ARMC8: variants seen among roughly 807,000 people sequenced by gnomAD.
The protein encoded by ARMC8 is armadillo repeat-containing protein 8.
ARMC8 carries 20 observed loss-of-function variants against 99.3 expected under a neutral mutation model. The observed-to-expected ratio is 0.20, with a 90% CI of 0.14 to 0.29. The LOEUF (loss-of-function observed/expected upper bound fraction) is 0.29, where lower values mean the gene tolerates loss of function less well. Among genes scored for constraint, ARMC8 ranks in the 10% least tolerant of loss-of-function variants. The pLI is 1.00. For missense variants in ARMC8, 569 were observed against 809.5 expected, an observed-to-expected ratio of 0.70 and a Z score of 3.60; for synonymous variants, 263 against 278.3, an observed-to-expected ratio of 0.95 and a Z score of 0.55.
intron 12 of ARMC8, chr3:138,263,378 C>A (rs1022540386): frequency 4.5e-6 from 1 of 220,708 alleles, no homozygotes; most frequent in Non-Finnish European, 9.1e-6. Context: ...TCTTTAGAAC[C>A]TCACTCTGGA....
chr3:138,200,401 C>T (rs1559914052), intron 1 of ARMC8, among the ~76,000 whole-genome samples: 7 of 152,184 alleles, frequency 4.6e-5, no homozygotes. Flanking sequence ...TCTTTATTCA[C>T]ATGAGTTACA....
intron 11 of ARMC8, among the ~76,000 whole-genome samples, chr3:138,244,480 G>A (rs986527973): frequency 6.6e-6 from 1 of 151,940 alleles, no homozygotes; most frequent in East Asian, 1.9e-4. Context: ...GGGTTTTATC[G>A]TGTTAGCCAG....
intron 2 of ARMC8, among the ~76,000 whole-genome samples, chr3:138,213,972 A>G (rs1215137381): frequency 1.3e-5 from 2 of 152,014 alleles, no homozygotes; most frequent in Non-Finnish European, 2.9e-5. Context: ...CTTGGACAAC[A>G]TGGTGAAACC....
chr3:138,286,939 C>A (rs916237740), intron 19 of ARMC8, among the ~76,000 whole-genome samples: 6 of 152,136 alleles, frequency 3.9e-5, no homozygotes, highest in African/African-American at 1.4e-4. Context: ...CAGCTCTGTC[C>A]CCTCATTCAC....
intron 12 of ARMC8, 84 bp from the exon 13 acceptor site, chr3:138,263,654 TG>T: frequency 8.6e-7 from 1 of 1,165,754 alleles, no homozygotes; most frequent in South Asian, 1.2e-5. Flanking sequence ...AAACTTTTAA[TG>T]GATGTTAACA....
intron 2 of ARMC8, among the ~76,000 whole-genome samples, chr3:138,212,602 T>A (rs2044762778): frequency 6.6e-6 from 1 of 152,144 alleles, no homozygotes; most frequent in Non-Finnish European, 1.5e-5. Flanking sequence ...CCACCGCGCC[T>A]GGCCTAAGTA....
At chr3:138,245,854 C>T in intron 12 of ARMC8, 1 of 985,554 alleles carries the variant, frequency 1.0e-6, no homozygotes, top group Non-Finnish European at 1.2e-6. Context: ...TTGGCTCCTT[C>T]CACAAACCAA....
intron 12 of ARMC8, among the ~76,000 whole-genome samples, chr3:138,256,592 A>G (rs1034222242): frequency 6.6e-6 from 1 of 151,124 alleles, no homozygotes; most frequent in Non-Finnish European, 1.5e-5. Flanking sequence ...TTGTATTTTT[A>G]GTAGAGACGG....
intron 2 of ARMC8, among the ~76,000 whole-genome samples, chr3:138,212,934 A>G (rs1227047553): frequency 6.6e-6 from 1 of 152,146 alleles, no homozygotes; most frequent in East Asian, 1.9e-4. Context: ...GAGTTTTATC[A>G]TTTTTCTGGC....
chr3:138,281,874 C>T (rs981535591), intron 18 of ARMC8, among the ~76,000 whole-genome samples: 1 of 152,090 alleles, frequency 6.6e-6, no homozygotes, highest in African/African-American at 2.4e-5. Flanking sequence ...TTTCTCTTCC[C>T]CCCATGAATA....
chr3:138,245,343 G>T (rs2046833034), intron 12 of ARMC8, 160 bp downstream of exon 12: 2 of 1,488,648 alleles, frequency 1.3e-6, no homozygotes, highest in East Asian at 2.4e-5. Context: ...ACCCGGATTT[G>T]GGGGGTTGTT....
At chr3:138,294,658 T>C (rs1185506030) in intron 21 of ARMC8, among the ~76,000 whole-genome samples, 2 of 152,218 alleles carry the variant, frequency 1.3e-5, no homozygotes, top group Non-Finnish European at 2.9e-5. Flanking sequence ...GATCAGCTAT[T>C]GTACCTGAAC....
intron 14 of ARMC8, among the ~76,000 whole-genome samples, chr3:138,265,264 C>A (rs992345074): frequency 6.6e-6 from 1 of 151,814 alleles, no homozygotes; most frequent in African/African-American, 2.4e-5. Flanking sequence ...TTGTCCCCCC[C>A]AAAAAAGGTT....
intron 15 of ARMC8, among the ~76,000 whole-genome samples, chr3:138,269,777 A>G (rs1276766597): frequency 3.3e-5 from 5 of 151,708 alleles, no homozygotes; most frequent in South Asian, 2.1e-4. Flanking sequence ...CAGGACTACA[A>G]GGATAAAAGG....
In ARMC8 at chr3:138,228,999, C is replaced by T. The variant is rs1434501479; in HGVS notation, c.517C>T (p.His173Tyr). 7 of 1,607,132 alleles carry T rather than the reference C, an allele frequency of 4.4e-6. No individual in the cohort carries two copies. The highest frequency in any genetic ancestry group is 6.0e-6 in the Non-Finnish European group (7 of 1,175,632). The change falls in exon 6 of 22, where the codon CAC (histidine) becomes TAC (tyrosine). Residue 173 changes from histidine to tyrosine, a missense_variant. Around this residue, in one of 2 missense-constraint regions of ARMC8, gnomAD observed 342 missense variants for 391.6 expected, o/e 0.87. Coordinates refer to ENST00000469044, the MANE Select transcript of ARMC8 (RefSeq NM_001363941.2). ...GGAGTACATCTGTCAGATCTTCTCA[C>T]ACTGCTGTAAAGTAAGAACCAGAAT... ...TQEYICQIFSHCCKGPDHQTI... is the reference protein window; with the variant it reads ...TQEYICQIFSYCCKGPDHQTI...
intron 1 of ARMC8, among the ~76,000 whole-genome samples, chr3:138,192,759 T>G (rs1325171643): frequency 2.0e-5 from 3 of 152,136 alleles, no homozygotes; most frequent in Admixed American, 2.0e-4. Context: ...GGTCTGGAAC[T>G]CCTAAGTGTA....
chr3:138,288,932 TG>T, intron 19 of ARMC8, 115 bp from the exon 20 acceptor site: 1 of 771,648 alleles, frequency 1.3e-6, no homozygotes, highest in Non-Finnish European at 2.1e-6. Context: ...CCACCTCACC[TG>T]GCCCTGCTTC....
At chr3:138,229,286 CAT>C (rs1272193755) in intron 6 of ARMC8, among the ~76,000 whole-genome samples, 21 of 146,502 alleles carry the variant, frequency 1.4e-4, no homozygotes, top group Non-Finnish European at 3.0e-4. Flanking sequence ...TTTCACTTGA[CAT>C]ATCTCTAAGG....
intron 12 of ARMC8, among the ~76,000 whole-genome samples, chr3:138,263,151 A>G (rs2047920892): frequency 6.6e-6 from 1 of 152,272 alleles, no homozygotes; most frequent in African/African-American, 2.4e-5. Context: ...GTATCTAGAC[A>G]TTGATGAAGG....
Sources: allele counts gnomAD v4.1 joint callset (sites outside exome capture counted in the v4.1 genomes callset), GRCh38; gene constraint gnomAD v4.1.1; regional missense constraint gnomAD v4.1.1; transcripts MANE v1.5; gene names NCBI Gene and HGNC (gene_info 2026-07-23, HGNC 2026-07-21).